The following PIK3R1 variants were observed in gnomAD, a reference collection of about 807,000 sequenced individuals.
The protein encoded by PIK3R1 is phosphoinositide-3-kinase regulatory subunit 1.
Under a neutral mutation model 98.0 loss-of-function variants are expected in PIK3R1, and 29 were observed. The ratio of observed to expected loss-of-function variants is 0.30; its 90% CI spans 0.22 to 0.40. The LOEUF is 0.40. Among genes scored for constraint, PIK3R1 ranks in the 10% least tolerant of loss-of-function variants. The pLI, the probability that PIK3R1 is intolerant of heterozygous loss-of-function variation, is 1.00. For missense variants in PIK3R1, 596 were observed against 872.7 expected, an observed-to-expected ratio of 0.68 and a Z score of 3.99; for synonymous variants, 282 against 311.8, an observed-to-expected ratio of 0.90 and a Z score of 1.01.
At chr5:68,218,799 C>T (rs1171143816) in intron 1 of PIK3R1, among the ~76,000 whole-genome samples, 3 of 152,112 alleles carry the variant, frequency 2.0e-5, no homozygotes, top group Non-Finnish European at 4.4e-5. Flanking sequence ...TTTAATGAAG[C>T]CCTGGAAGAC....
At chr5:68,229,194 T>A (rs1477879633) in intron 2 of PIK3R1, among the ~76,000 whole-genome samples, 1 of 152,164 alleles carries the variant, frequency 6.6e-6, no homozygotes, top group East Asian at 1.9e-4. Flanking sequence ...TGGTCTTGTA[T>A]TCTCATTTAA....
chr5:68,223,265 A>G (rs919637716), intron 1 of PIK3R1, among the ~76,000 whole-genome samples: 3 of 152,048 alleles, frequency 2.0e-5, no homozygotes, highest in Admixed American at 2.0e-4. Context: ...GAAAGTGTAC[A>G]ATGTGCAAAA....
chr5:68,220,477 C>T (rs868713245), intron 1 of PIK3R1, among the ~76,000 whole-genome samples: 4 of 152,186 alleles, frequency 2.6e-5, no homozygotes, highest in Non-Finnish European at 4.4e-5. Context: ...CCAGCCTCCG[C>T]GTAATGGCTA....
rs1561297186 is a variant in PIK3R1 at position 68,292,851 on chromosome 5, C to T, written c.1020-250C>T. 4 of 825,542 alleles carry T rather than the reference C, an allele frequency of 4.8e-6. No homozygotes were observed. In the East Asian group the frequency reaches 1.2e-4, roughly 24 times the overall value. The allele number at this position is 825,542 out of a possible 1,614,324, so 51.1% of individuals were successfully genotyped here. On this transcript the variant is annotated intron_variant, in intron 8 of 15. Transcript: ENST00000521381. ...ACACCAATAGTGAAAGTGATATGCACCTGTTTGTGATGAGACTGCAATTGC... is the reference window on the plus strand; with the variant it reads ...ACACCAATAGTGAAAGTGATATGCATCTGTTTGTGATGAGACTGCAATTGC...
intron 7 of PIK3R1, among the ~76,000 whole-genome samples, chr5:68,287,483 T>C (rs775838174): frequency 2.0e-5 from 3 of 152,206 alleles, no homozygotes; most frequent in Non-Finnish European, 4.4e-5. Context: ...CAGGAATTGA[T>C]TGAAGTGAAC....
intron 2 of PIK3R1, among the ~76,000 whole-genome samples, chr5:68,268,111 T>C (rs1452701410): frequency 6.6e-6 from 1 of 152,296 alleles, no homozygotes; most frequent in East Asian, 1.9e-4. Flanking sequence ...TTAATCCTTA[T>C]TACTGCACAT....
chr5:68,242,483 GTAA>G (rs1744907471), intron 2 of PIK3R1, among the ~76,000 whole-genome samples: 1 of 152,184 alleles, frequency 6.6e-6, no homozygotes. Flanking sequence ...AGGCAAGGCA[GTAA>G]GCCCCAGAAG....
Position 68,278,517 on chromosome 5 carries a change from C to G in PIK3R1, c.503-1085C>G, listed in dbSNP as rs562366539. Among the ~76,000 whole-genome samples, 180 of 152,306 alleles carry G rather than the reference C, an allele frequency of 1.2e-3. 1 individual carries two copies. Among genetic ancestry groups the G allele is most frequent in the African/African-American group, 4.2e-3 (175 of 41,552 alleles). ...GTTTTAGGAAACATTTACTATATGA[C>G]TAACCATTCCTAGTTAGAACCCTTT... On this transcript the variant is annotated intron_variant, in intron 4 of 15. Coordinates refer to ENST00000521381, the MANE Select transcript of PIK3R1 (RefSeq NM_181523.3).
chr5:68,247,506 G>A (rs1458026405), intron 2 of PIK3R1, among the ~76,000 whole-genome samples: 1 of 151,886 alleles, frequency 6.6e-6, no homozygotes, highest in African/African-American at 2.4e-5. Context: ...TGCCTAGGCT[G>A]GTCTCAAGTG....
chr5:68,250,429 C>T (rs1028511510), intron 2 of PIK3R1, among the ~76,000 whole-genome samples: 4 of 152,134 alleles, frequency 2.6e-5, no homozygotes, highest in African/African-American at 7.2e-5. Context: ...GAAAGTCAGG[C>T]GTGGGGGGAT....
At chr5:68,261,194 T>C (rs749045457) in intron 2 of PIK3R1, among the ~76,000 whole-genome samples, 3 of 152,244 alleles carry the variant, frequency 2.0e-5, no homozygotes, top group African/African-American at 7.2e-5. Context: ...TGTGATTAAA[T>C]GTAAATTTAG....
chr5:68,240,041 C>A, intron 2 of PIK3R1: 1 of 407,386 alleles, frequency 2.5e-6, no homozygotes, highest in Non-Finnish European at 4.9e-6. Context: ...TTGGCTTGTG[C>A]TTCTTAATGT....
intron 7 of PIK3R1, among the ~76,000 whole-genome samples, chr5:68,287,861 G>A (rs1747143555): frequency 6.6e-6 from 1 of 152,100 alleles, no homozygotes. Flanking sequence ...TATGGTGTGG[G>A]GTTTAATATT....
intron 3 of PIK3R1, 75 bp downstream of exon 3, chr5:68,273,557 G>A: frequency 8.0e-7 from 1 of 1,257,060 alleles, no homozygotes. Context: ...TGTCTCTTGT[G>A]CATTCATTAA....
chr5:68,254,657 CTAA>C (rs1445630504), intron 2 of PIK3R1, among the ~76,000 whole-genome samples: 3 of 152,152 alleles, frequency 2.0e-5, no homozygotes, highest in Non-Finnish European at 4.4e-5. Context: ...CCTGAATGGA[CTAA>C]TAAGTGGCCT....
intron 2 of PIK3R1, among the ~76,000 whole-genome samples, chr5:68,264,910 G>C (rs1354121085): frequency 6.6e-6 from 1 of 152,176 alleles, no homozygotes; most frequent in Non-Finnish European, 1.5e-5. Flanking sequence ...AATTTGATAT[G>C]ATAGCTAGAC....
In PIK3R1 at chr5:68,300,003, T is replaced by A. The variant is rs1172993074; in HGVS notation, c.*2402T>A. On this transcript the variant is annotated 3_prime_UTR_variant, in exon 16 of 16. Transcript: ENST00000521381. ...TAGTTAACAGTTTTTAAACTAGGTT[T>A]GTGGGTATTTTTTTGGTAGCACATG... The A allele has an allele frequency of 8.6e-6, 2 of 233,110 alleles. No homozygotes were observed. The highest frequency in any genetic ancestry group is 5.6e-5 in the Admixed American group (1 of 17,784). The allele number at this position is 233,110 out of a possible 1,614,324, so 14.4% of individuals were successfully genotyped here.
chr5:68,259,680 T>G (rs1379825524), intron 2 of PIK3R1, among the ~76,000 whole-genome samples: 1 of 152,228 alleles, frequency 6.6e-6, no homozygotes, highest in Non-Finnish European at 1.5e-5. Context: ...CTCTCTACTT[T>G]CCAGGTCTTT....
chr5:68,216,733 G>C (rs1020344177), intron 1 of PIK3R1, among the ~76,000 whole-genome samples: 3 of 152,238 alleles, frequency 2.0e-5, no homozygotes, highest in Non-Finnish European at 4.4e-5. Context: ...CCTGCAACCC[G>C]GAGCTAAAAT....
Sources: allele counts gnomAD v4.1 joint callset (sites outside exome capture counted in the v4.1 genomes callset), GRCh38; gene constraint gnomAD v4.1.1; transcripts MANE v1.5; gene names NCBI Gene and HGNC (gene_info 2026-07-23, HGNC 2026-07-21).